The following THSD7A variants were observed in gnomAD, a reference collection of about 807,000 sequenced individuals.
The protein encoded by THSD7A is thrombospondin type 1 domain containing 7A.
In THSD7A, 96 loss-of-function variants were observed where a neutral mutation model predicts 231.3. The ratio of observed to expected loss-of-function variants is 0.41; its 90% CI spans 0.35 to 0.49. The LOEUF (loss-of-function observed/expected upper bound fraction) is 0.49, where lower values mean the gene tolerates loss of function less well. Ranked by LOEUF, THSD7A falls within the 20% of genes least tolerant of loss-of-function variation. The probability of loss-of-function intolerance (pLI) is 0.05; values close to 1 mark genes in which losing one functional copy is unlikely to be tolerated. For synonymous variants in THSD7A, 940 were observed against 743.3 expected, an observed-to-expected ratio of 1.26 and a Z score of -4.30; for missense variants, 2,290 against 2,070.2, an observed-to-expected ratio of 1.11 and a Z score of -2.06.
Position 11,617,745 on chromosome 7 carries a change from C to A in THSD7A, c.1022+18385G>T, listed in dbSNP as rs145125187. Among the ~76,000 whole-genome samples, 261 of 152,216 alleles carry A rather than the reference C, an allele frequency of 1.7e-3. 2 individuals are homozygous for A. The highest frequency in any genetic ancestry group is 6.0e-3 in the African/African-American group (251 of 41,524). On this transcript the variant is annotated intron_variant, in intron 2 of 27. Transcript: ENST00000423059. The stretch of plus-strand genomic sequence containing the variant: ...ATGGATGAAGCTGGAAACCATCATT[C>A]TGAGCAATCTATCACAAGGACTATA...
At chr7:11,790,599 T>C (rs908027311) in intron 1 of THSD7A, among the ~76,000 whole-genome samples, 2 of 151,984 alleles carry the variant, frequency 1.3e-5, no homozygotes, top group Non-Finnish European at 2.9e-5. Flanking sequence ...TAAAAATGTT[T>C]CTTAAATTTT....
chr7:11,698,658 T>A (rs1249375046), intron 1 of THSD7A, among the ~76,000 whole-genome samples: 2 of 151,412 alleles, frequency 1.3e-5, no homozygotes, highest in Non-Finnish European at 3.0e-5. Context: ...ACACCTTTAT[T>A]CCTCAAAGTA....
rs774124957 is a variant in THSD7A at position 11,831,804 on chromosome 7, G to A, written c.143C>T (p.Ala48Val). Residue 48 changes from alanine to valine, a missense_variant, in exon 1 of 28, where the codon GCG (alanine) becomes GTG (valine). Physicochemically the swap from Ala to Val is moderately conservative, Grantham distance 64 (BLOSUM62 0). Transcript: ENST00000423059. This position sits in a 1 kb window ranked among gnomAD's most constrained non-coding sequence, Gnocchi z 5.0. The stretch of plus-strand genomic sequence containing the variant: ...GGGCGCCTCCGCCTCGCCCTGCGCC[G>A]CAGCCCTGCCGGCGCCCGGGCGTAG... ...LLLRPGAGRAAAQGEAEAPTL... is the reference protein window; with the variant it reads ...LLLRPGAGRAVAQGEAEAPTL... 15 of 1,459,724 alleles carry A rather than the reference G, an allele frequency of 1.0e-5. No individual in the cohort carries two copies. The highest frequency in any genetic ancestry group is 5.5e-5 in the East Asian group (2 of 36,504). 90.4% of individuals were successfully genotyped at this position (1,459,724 alleles called of 1,614,324 possible). A position where few individuals can be genotyped will look rare whatever the true frequency, so the allele number is the denominator to read the frequency against.
At chr7:11,391,386 T>G (rs569508992) in intron 23 of THSD7A, among the ~76,000 whole-genome samples, 1 of 152,316 alleles carries the variant, frequency 6.6e-6, no homozygotes, top group South Asian at 2.1e-4. Context: ...CCTGGTGACT[T>G]TATTTACACT....
At chr7:11,543,289 T>C (rs964760812) in intron 4 of THSD7A, among the ~76,000 whole-genome samples, 172 bp from the exon 5 acceptor site, 1 of 152,200 alleles carries the variant, frequency 6.6e-6, no homozygotes, top group Non-Finnish European at 1.5e-5. Context: ...CGAATGGAAA[T>C]AAAAGAGGCA....
chr7:11,645,624 C>G (rs1161249391), intron 1 of THSD7A, among the ~76,000 whole-genome samples: 1 of 151,704 alleles, frequency 6.6e-6, no homozygotes, highest in Non-Finnish European at 1.5e-5. Flanking sequence ...TTTAAAGGTA[C>G]CTTTCAAACA....
intron 2 of THSD7A, among the ~76,000 whole-genome samples, chr7:11,594,858 C>T (rs746385206): frequency 1.2e-4 from 18 of 152,150 alleles, no homozygotes; most frequent in Admixed American, 1.3e-4. Flanking sequence ...CATGCACAGC[C>T]TCACCAGGTG....
intron 1 of THSD7A, among the ~76,000 whole-genome samples, chr7:11,640,691 T>A (rs1054987660): frequency 1.3e-5 from 2 of 152,114 alleles, no homozygotes; most frequent in Non-Finnish European, 2.9e-5. Context: ...TCAGAGCTAG[T>A]TAAAAGCATA....
intron 6 of THSD7A, among the ~76,000 whole-genome samples, chr7:11,537,042 G>C (rs1323697611): frequency 6.7e-6 from 1 of 149,820 alleles, no homozygotes; most frequent in East Asian, 2.0e-4. Context: ...ATTCTCCAGT[G>C]GTATAAATTT....
At chr7:11,544,746 C>G (rs925434734) in intron 4 of THSD7A, among the ~76,000 whole-genome samples, 1 of 152,086 alleles carries the variant, frequency 6.6e-6, no homozygotes, top group African/African-American at 2.4e-5. Flanking sequence ...AAATATTCTG[C>G]CAATTTTATG....
chr7:11,597,966 G>A (rs1780423460), intron 2 of THSD7A, among the ~76,000 whole-genome samples: 1 of 152,184 alleles, frequency 6.6e-6, no homozygotes, highest in East Asian at 1.9e-4. Context: ...CAGAGGAAGA[G>A]AAGACTAGGG....
At chr7:11,491,977 A>G (rs1413783071) in intron 6 of THSD7A, among the ~76,000 whole-genome samples, 1 of 151,854 alleles carries the variant, frequency 6.6e-6, no homozygotes, top group African/African-American at 2.4e-5. Flanking sequence ...CACACTTCCA[A>G]TCTGTCCTGC....
intron 4 of THSD7A, among the ~76,000 whole-genome samples, chr7:11,557,855 C>A (rs1169375626): frequency 6.6e-6 from 1 of 152,060 alleles, no homozygotes; most frequent in Non-Finnish European, 1.5e-5. Context: ...TCTAACACCA[C>A]CTAGTGGGAG....
At position 11,653,670 on chromosome 7, in the gene THSD7A, C is replaced by T. The variant is rs73292681; in HGVS notation, c.191-16709G>A. ...GTCATTGCACCTAGCTTCAGTTATG[C>T]TTTTGAGTAGGCCAGCCAGCAATCA... On this transcript the variant is annotated intron_variant, in intron 1 of 27. Coordinates refer to ENST00000423059, the MANE Select transcript of THSD7A (RefSeq NM_015204.3). Among the ~76,000 whole-genome samples the T allele has an allele frequency of 8.0e-4, 121 of 151,904 alleles. 1 individual carries two copies. Among genetic ancestry groups the T allele is most frequent in the African/African-American group, 2.8e-3 (116 of 41,470 alleles).
intron 2 of THSD7A, among the ~76,000 whole-genome samples, chr7:11,625,747 T>A (rs1295009241): frequency 6.6e-6 from 1 of 152,130 alleles, no homozygotes; most frequent in African/African-American, 2.4e-5. Flanking sequence ...ATTCCCTCTT[T>A]TATGGGAATT....
At chr7:11,380,163 A>C (rs997998759) in intron 24 of THSD7A, among the ~76,000 whole-genome samples, 2 of 152,208 alleles carry the variant, frequency 1.3e-5, no homozygotes, top group Admixed American at 1.3e-4. Context: ...TCTTTAAATA[A>C]TGCATATTTC....
intron 1 of THSD7A, among the ~76,000 whole-genome samples, chr7:11,680,037 C>A (rs1190006908): frequency 1.3e-5 from 2 of 150,916 alleles, no homozygotes; most frequent in Non-Finnish European, 3.0e-5. Context: ...TCAGAAATAA[C>A]ATCACACATC....
At chr7:11,492,276 T>C (rs920957081) in intron 6 of THSD7A, among the ~76,000 whole-genome samples, 1 of 152,006 alleles carries the variant, frequency 6.6e-6, no homozygotes, top group African/African-American at 2.4e-5. Flanking sequence ...TAAATTTTCT[T>C]GCTTAAAACA....
At chr7:11,496,428 C>G (rs1247699133) in intron 6 of THSD7A, among the ~76,000 whole-genome samples, 1 of 152,086 alleles carries the variant, frequency 6.6e-6, no homozygotes, top group Non-Finnish European at 1.5e-5. Context: ...AAATGAGGCC[C>G]ATAGTATGGA....
Sources: gnomAD v4.1 joint callset for allele counts (sites outside exome capture counted in the v4.1 genomes callset) on GRCh38, gnomAD v4.1.1 for gene constraint, Gnocchi (gnomAD v3.1) non-coding constraint, MANE v1.5 for transcripts, NCBI Gene and HGNC (gene_info 2026-07-23, HGNC 2026-07-21) for gene names.